Variants in CNGB3 observed in about 807,000 individuals in gnomAD.
The protein encoded by CNGB3 is cyclic nucleotide-gated channel beta-3.
CNGB3 carries 86 observed loss-of-function variants against 92.8 expected under a neutral mutation model. The observed-to-expected ratio is 0.93, with a 90% CI of 0.78 to 1.11. CNGB3 has a LOEUF of 1.11. Among genes scored for constraint, CNGB3 ranks in the 50% least tolerant of loss-of-function variants. The probability of loss-of-function intolerance (pLI) is 0.00; values close to 1 mark genes in which losing one functional copy is unlikely to be tolerated. For synonymous variants in CNGB3, 333 were observed against 332.7 expected (o/e 1.00, Z -0.01); for missense variants, 1,026 against 956.8 (o/e 1.07, Z -0.95).
chr8:86,668,287 G>C (rs1214434561), intron 4 of CNGB3, 119 bp from the exon 5 acceptor site: 11 of 828,150 alleles, frequency 1.3e-5, no homozygotes, highest in Non-Finnish European at 2.0e-5. Flanking sequence ...GTTGAACAAT[G>C]AGAACATATG....
At chr8:86,635,727 T>C (rs968267254) in intron 10 of CNGB3, among the ~76,000 whole-genome samples, 2 of 149,162 alleles carry the variant, frequency 1.3e-5, no homozygotes, top group Admixed American at 1.3e-4. Context: ...TACATCCCAG[T>C]CAGATAGATC....
At chr8:86,626,966 TA>T (rs1822861451) in intron 12 of CNGB3, among the ~76,000 whole-genome samples, 1 of 152,044 alleles carries the variant, frequency 6.6e-6, no homozygotes, top group Admixed American at 6.6e-5. Context: ...TTAAGTTTAG[TA>T]CCTATTCATC....
intron 10 of CNGB3, among the ~76,000 whole-genome samples, chr8:86,634,090 A>G (rs1823016363): frequency 6.6e-6 from 1 of 152,204 alleles, no homozygotes; most frequent in African/African-American, 2.4e-5. Flanking sequence ...AAAGAATATG[A>G]TAAGGATTAG....
chr8:86,634,478 T>C (rs1403246295), intron 10 of CNGB3, among the ~76,000 whole-genome samples: 2 of 152,190 alleles, frequency 1.3e-5, no homozygotes. Flanking sequence ...GACATCTGTA[T>C]ATATATTTCA....
intron 15 of CNGB3, among the ~76,000 whole-genome samples, chr8:86,582,916 A>C (rs1468721961): frequency 6.6e-6 from 1 of 151,996 alleles, no homozygotes; most frequent in East Asian, 1.9e-4. Flanking sequence ...CATAAATGAA[A>C]GTAAAATATT....
At chr8:86,732,991 G>A (rs537969437) in intron 2 of CNGB3, among the ~76,000 whole-genome samples, 1 of 152,232 alleles carries the variant, frequency 6.6e-6, no homozygotes, top group South Asian at 2.1e-4. Flanking sequence ...CTGTCACACA[G>A]TGAGCAGAGT....
chr8:86,685,333 C>A (rs1038788331), intron 3 of CNGB3, among the ~76,000 whole-genome samples: 3 of 152,090 alleles, frequency 2.0e-5, no homozygotes, highest in African/African-American at 4.8e-5. Context: ...ACATTGGCAT[C>A]CCCTGAGCAC....
At chr8:86,601,666 C>T (rs1040734798) in intron 15 of CNGB3, among the ~76,000 whole-genome samples, 3 of 152,054 alleles carry the variant, frequency 2.0e-5, no homozygotes, top group Non-Finnish European at 2.9e-5. Flanking sequence ...GGCAGGCATA[C>T]CTCCAGCTCT....
chr8:86,699,627 A>C (rs1056862015), intron 3 of CNGB3, among the ~76,000 whole-genome samples: 1 of 152,244 alleles, frequency 6.6e-6, no homozygotes, highest in Admixed American at 6.5e-5. Context: ...CATCCACAAC[A>C]ATCAATAAAA....
At position 86,581,607 on chromosome 8, in the gene CNGB3, A is replaced by G. The variant is rs527323904; in HGVS notation, c.1782-2355T>C. Among the ~76,000 whole-genome samples the G allele has an allele frequency of 3.3e-5, 5 of 152,280 alleles. No homozygotes were observed. In the East Asian group the frequency reaches 7.7e-4, roughly 23 times the overall value. Reference sequence around the variant, plus strand: ...ACATTTTTCCCAATGCAGCCCCTTTAAGACTTCCTGTCTTATCTAAGGGAG... The same window carrying G: ...ACATTTTTCCCAATGCAGCCCCTTTGAGACTTCCTGTCTTATCTAAGGGAG... On this transcript the variant is annotated intron_variant, in intron 15 of 17. Coordinates refer to ENST00000320005, the MANE Select transcript of CNGB3 (RefSeq NM_019098.5).
At chr8:86,705,639 A>G (rs1037950484) in intron 3 of CNGB3, among the ~76,000 whole-genome samples, 2 of 152,122 alleles carry the variant, frequency 1.3e-5, no homozygotes, top group African/African-American at 2.4e-5. Flanking sequence ...TACCAAAGAC[A>G]GGCTGGATAT....
intron 2 of CNGB3, among the ~76,000 whole-genome samples, chr8:86,729,497 T>C (rs1206586586): frequency 6.6e-6 from 1 of 152,246 alleles, no homozygotes; most frequent in East Asian, 1.9e-4. Context: ...AAGCCTGGGA[T>C]ATTTATAAAT....
chr8:86,583,943 A>AAAG, intron 15 of CNGB3, among the ~76,000 whole-genome samples: 1 of 151,002 alleles, frequency 6.6e-6, no homozygotes, highest in Admixed American at 6.6e-5. Flanking sequence ...AAAAAAAAAA[A>AAAG]AAGGAATTCC....
chr8:86,592,049 G>A (rs201268354), intron 15 of CNGB3, among the ~76,000 whole-genome samples: 4 of 152,230 alleles, frequency 2.6e-5, no homozygotes, highest in African/African-American at 7.2e-5. Context: ...GTGGTGTGCT[G>A]TTTTTTAAGC....
intron 3 of CNGB3, among the ~76,000 whole-genome samples, chr8:86,708,499 A>G (rs1824689475): frequency 6.6e-6 from 1 of 152,082 alleles, no homozygotes; most frequent in Non-Finnish European, 1.5e-5. Flanking sequence ...GACCTTGGGA[A>G]AAGTGGACAG....
intron 15 of CNGB3, chr8:86,593,780 A>G (rs1563719294): frequency 1.1e-5 from 14 of 1,327,076 alleles, no homozygotes; most frequent in Non-Finnish European, 1.5e-5. Context: ...GTACTTATCA[A>G]TGAGCCCCTG....
intron 3 of CNGB3, among the ~76,000 whole-genome samples, chr8:86,675,765 G>A (rs186485934): frequency 2.0e-5 from 3 of 152,236 alleles, no homozygotes; most frequent in African/African-American, 7.2e-5. Context: ...AATAAAATTT[G>A]TGACTTTTTT....
At chr8:86,686,080 G>A (rs1824182895) in intron 3 of CNGB3, among the ~76,000 whole-genome samples, 1 of 151,978 alleles carries the variant, frequency 6.6e-6, no homozygotes, top group South Asian at 2.1e-4. Flanking sequence ...AACACCATAT[G>A]GTACTATAAC....
At chr8:86,596,379 T>C (rs1260431068) in intron 15 of CNGB3, among the ~76,000 whole-genome samples, 1 of 152,232 alleles carries the variant, frequency 6.6e-6, no homozygotes, top group Non-Finnish European at 1.5e-5. Context: ...CTTATTCCGA[T>C]TTTTGGGAAT....
Sources: gnomAD v4.1 joint callset for allele counts (sites outside exome capture counted in the v4.1 genomes callset) on GRCh38, gnomAD v4.1.1 for gene constraint, MANE v1.5 for transcripts, NCBI Gene and HGNC (gene_info 2026-07-23, HGNC 2026-07-21) for gene names.